The following QRICH1 variants were observed in gnomAD, a reference collection of about 807,000 sequenced individuals.
QRICH1 encodes transcriptional regulator QRICH1.
In QRICH1, 16 loss-of-function variants were observed where a neutral mutation model predicts 87.1. The observed-to-expected ratio is 0.18, with a 90% CI of 0.12 to 0.28. The LOEUF (loss-of-function observed/expected upper bound fraction) is 0.28. Among genes scored for constraint, QRICH1 ranks in the 10% least tolerant of loss-of-function variants. QRICH1 has a pLI of 1.00. For synonymous variants in QRICH1, 367 were observed against 368.4 expected (o/e 1.00, Z 0.05); for missense variants, 647 against 951.7 (o/e 0.68, Z 4.21).
At chr3:49,070,671 G>C (rs563059335) in intron 2 of QRICH1, among the ~76,000 whole-genome samples, 1 of 152,208 alleles carries the variant, frequency 6.6e-6, no homozygotes, top group South Asian at 2.1e-4. Flanking sequence ...CTGGGCTCAA[G>C]TCATCTACAT....
intron 3 of QRICH1, among the ~76,000 whole-genome samples, chr3:49,053,584 G>A (rs552556385): frequency 6.3e-4 from 96 of 152,182 alleles, no homozygotes; most frequent in Non-Finnish European, 1.2e-3. Flanking sequence ...TGGCTATAGG[G>A]GGGTCACTGC....
In QRICH1 at chr3:49,032,245, C is replaced by T. The variant is rs76812435; in HGVS notation, c.2076G>A (p.Thr692=). 3,453 of 1,613,750 alleles carry T rather than the reference C, an allele frequency of 2.1e-3. 6 individuals carry two copies. Among genetic ancestry groups the T allele is most frequent in the Non-Finnish European group, 2.7e-3 (3,228 of 1,179,656 alleles). The change falls in exon 9 of 10, where the codon ACG becomes ACA. Residue 692 remains threonine (T), a synonymous_variant. Transcript: ENST00000395443. ...ATCTCAATGGATTCTCTGGATTTTC[C>T]GTCTGTTCTGCATACATGTCATCTG... ...KVTDDMYAEQ[T]ENPENPLRCP...
At chr3:49,070,332 C>T (rs1234319420) in intron 2 of QRICH1, among the ~76,000 whole-genome samples, 1 of 152,182 alleles carries the variant, frequency 6.6e-6, no homozygotes, top group East Asian at 1.9e-4. Flanking sequence ...GCCACCACGC[C>T]TGGCCTTTCA....
At chr3:49,050,831 A>AGAGG (rs1258765045) in intron 3 of QRICH1, among the ~76,000 whole-genome samples, 1 of 152,172 alleles carries the variant, frequency 6.6e-6, no homozygotes, top group African/African-American at 2.4e-5. Flanking sequence ...GCTCAGGGCC[A>AGAGG]GAGGACCCAA....
intron 2 of QRICH1, among the ~76,000 whole-genome samples, chr3:49,062,771 G>C (rs775805813): frequency 6.6e-6 from 1 of 151,870 alleles, no homozygotes; most frequent in Non-Finnish European, 1.5e-5. Context: ...ACTTTGGGAG[G>C]CCGAGGCAGG....
chr3:49,045,714 C>T (rs1266951176), intron 5 of QRICH1, among the ~76,000 whole-genome samples: 1 of 152,122 alleles, frequency 6.6e-6, no homozygotes, highest in Non-Finnish European at 1.5e-5. Flanking sequence ...ATCCTCCCAC[C>T]TCAGCCTCCC....
chr3:49,076,600 G>T, intron 2 of QRICH1, 109 bp downstream of exon 2: 1 of 1,045,434 alleles, frequency 9.6e-7, no homozygotes, highest in Non-Finnish European at 1.3e-6. Context: ...GAAAATCTTA[G>T]TGTTAAATAA....
At chr3:49,059,757 T>C (rs973538821) in intron 2 of QRICH1, among the ~76,000 whole-genome samples, 1 of 148,478 alleles carries the variant, frequency 6.7e-6, no homozygotes, top group African/African-American at 2.5e-5. Context: ...GTTTCGCTCG[T>C]TCCCCAGGCT....
upstream of QRICH1, chr3:49,094,370 G>A: frequency 4.0e-6 from 1 of 247,534 alleles, no homozygotes; most frequent in Non-Finnish European, 7.7e-6. Flanking sequence ...CTTTGGTCGA[G>A]CACGCCCACG....
chr3:49,037,763 T>A (rs1464934255), intron 6 of QRICH1, among the ~76,000 whole-genome samples: 10 of 146,256 alleles, frequency 6.8e-5, no homozygotes, highest in African/African-American at 2.5e-4. Context: ...GACGGGCAGA[T>A]CACAAGGTCA....
At chr3:49,082,358 T>C (rs2042078429) in intron 1 of QRICH1, among the ~76,000 whole-genome samples, 1 of 152,178 alleles carries the variant, frequency 6.6e-6, no homozygotes, top group Admixed American at 6.6e-5. Flanking sequence ...CAATCAAGGT[T>C]CCAAAGATAT....
chr3:49,069,543 AT>A (rs372639913), intron 2 of QRICH1, among the ~76,000 whole-genome samples: 285 of 122,778 alleles, frequency 2.3e-3, no homozygotes, highest in Middle Eastern at 9.2e-3. Context: ...ATGGGGGGGA[AT>A]TTTTTTTTTT....
chr3:49,073,484 G>A (rs1039160227), intron 2 of QRICH1, among the ~76,000 whole-genome samples: 1 of 150,478 alleles, frequency 6.6e-6, no homozygotes, highest in African/African-American at 2.4e-5. Context: ...AGGTTGCAGT[G>A]AGCTGAGATC....
intron 3 of QRICH1, among the ~76,000 whole-genome samples, chr3:49,055,452 T>C (rs2093395632): frequency 6.6e-6 from 1 of 152,218 alleles, no homozygotes; most frequent in African/African-American, 2.4e-5. Flanking sequence ...ATGATCATAG[T>C]AGCCTCAACC....
chr3:49,076,303 G>A (rs1026156058), intron 2 of QRICH1, among the ~76,000 whole-genome samples: 3 of 152,184 alleles, frequency 2.0e-5, no homozygotes, highest in African/African-American at 4.8e-5. Context: ...CGCCGCCGGC[G>A]GGGTCACGTG....
chr3:49,093,970 A>G lies in QRICH1; in HGVS notation c.-80T>C. On this transcript the variant is annotated 5_prime_UTR_variant, in exon 1 of 10. Coordinates refer to ENST00000395443, the MANE Select transcript of QRICH1 (RefSeq NM_198880.3). ...CCGCTGCACCCGCCGGCCCCGCCGC[A>G]CCGCCAGGGACCCTGGTTCTGCCGT... 1 of 403,184 alleles carries G rather than the reference A, an allele frequency of 2.5e-6. No individual in the cohort carries two copies. Among genetic ancestry groups the G allele is most frequent in the Non-Finnish European group, 4.3e-6 (1 of 230,142 alleles). 25.0% of individuals were successfully genotyped at this position (403,184 alleles called of 1,614,324 possible). A position where few individuals can be genotyped will look rare whatever the true frequency, so the allele number is the denominator to read the frequency against.
At chr3:49,081,724 C>T (rs2042064367) in intron 1 of QRICH1, among the ~76,000 whole-genome samples, 1 of 152,130 alleles carries the variant, frequency 6.6e-6, no homozygotes, top group African/African-American at 2.4e-5. Context: ...TGTTCTCAAA[C>T]TCCTGGGCTC....
At position 49,044,285 on chromosome 3, in the gene QRICH1, T is replaced by TTA. The variant is rs2093327389; in HGVS notation, c.1786+103_1786+104dup. 3.4e-6 allele frequency: 3 copies of TTA among 874,952 alleles called. No individual in the cohort carries two copies. In the East Asian group the frequency reaches 7.7e-5, roughly 23 times the overall value. 54.2% of individuals were successfully genotyped at this position (874,952 alleles called of 1,614,324 possible). ...GGCCAATGCTGCTGCAGTCTGGGAT[T>TTA]TATATCCCCCCTCACTCACATGCTT... On this transcript the variant is annotated intron_variant, in intron 6 of 9. Coordinates refer to ENST00000395443, the MANE Select transcript of QRICH1 (RefSeq NM_198880.3).
intron 1 of QRICH1, among the ~76,000 whole-genome samples, chr3:49,088,011 GCACA>G (rs2042202593): frequency 6.7e-6 from 1 of 150,166 alleles, no homozygotes; most frequent in Non-Finnish European, 1.5e-5. Context: ...GAATGCAGTG[GCACA>G]ATCTCGGCTC....
Sources: gnomAD v4.1 joint callset for allele counts (sites outside exome capture counted in the v4.1 genomes callset) on GRCh38, gnomAD v4.1.1 for gene constraint, MANE v1.5 for transcripts, NCBI Gene and HGNC (gene_info 2026-07-23, HGNC 2026-07-21) for gene names.